Variants in CELF2 observed in about 807,000 individuals in gnomAD.
CELF2 encodes the protein CUGBP Elav-like family member 2.
Under a neutral mutation model 62.6 loss-of-function variants are expected in CELF2, and 8 were observed. That is an observed-to-expected ratio of 0.13 (90% CI 0.07 to 0.23). The LOEUF (loss-of-function observed/expected upper bound fraction) is 0.23. CELF2 is among the 10% of genes least tolerant of loss of function. The pLI, the probability that CELF2 is intolerant of heterozygous loss-of-function variation, is 1.00. For synonymous variants in CELF2, 258 were observed against 250.0 expected (o/e 1.03, Z -0.30); for missense variants, 333 against 671.0 (o/e 0.50, Z 5.56).
the CELF2 span, among the ~76,000 whole-genome samples, chr10:10,619,296 CTT>C: frequency 6.6e-6 from 1 of 152,166 alleles, no homozygotes; most frequent in African/African-American, 2.4e-5. Context: ...TAGATAATTT[CTT>C]TTTAGCTCCT....
the CELF2 span, among the ~76,000 whole-genome samples, chr10:10,515,351 A>G: frequency 2.6e-5 from 4 of 152,140 alleles, no homozygotes; most frequent in African/African-American, 9.7e-5. Context: ...CAAATCCACC[A>G]TTGGAGTCAT....
At chr10:11,048,726 T>C (rs142439599) in intron 1 of CELF2, among the ~76,000 whole-genome samples, 9 of 152,360 alleles carry the variant, frequency 5.9e-5, no homozygotes, top group Non-Finnish European at 1.0e-4. Flanking sequence ...CTGGATACAT[T>C]ACAGAGCACT....
the CELF2 span, among the ~76,000 whole-genome samples, chr10:10,630,412 C>A: frequency 6.6e-6 from 1 of 152,182 alleles, no homozygotes; most frequent in Admixed American, 6.5e-5. Context: ...ATAATCCTTA[C>A]ACCCACCATC....
chr10:10,907,732 G>A, intron 1 of CELF2, among the ~76,000 whole-genome samples: 1 of 151,992 alleles, frequency 6.6e-6, no homozygotes, highest in East Asian at 1.9e-4. Flanking sequence ...TTCATCTGGG[G>A]TTGGTTCAAA....
chr10:10,619,061 G>A, the CELF2 span, among the ~76,000 whole-genome samples: 5 of 152,226 alleles, frequency 3.3e-5, no homozygotes, highest in African/African-American at 4.8e-5. Flanking sequence ...TGGCAACAAA[G>A]AAGGAGGAAG....
At chr10:10,580,236 A>G in the CELF2 span, among the ~76,000 whole-genome samples, 1 of 152,158 alleles carries the variant, frequency 6.6e-6, no homozygotes, top group Non-Finnish European at 1.5e-5. Flanking sequence ...CTTCTAAAGT[A>G]CAACCTTTAG....
intron 1 of CELF2, among the ~76,000 whole-genome samples, chr10:11,069,149 G>C (rs2068996697): frequency 6.6e-6 from 1 of 152,132 alleles, no homozygotes; most frequent in Non-Finnish European, 1.5e-5. Context: ...CTTACTGCAT[G>C]ACCCACAGTT....
the CELF2 span, among the ~76,000 whole-genome samples, chr10:10,752,520 C>G: frequency 6.6e-6 from 1 of 151,738 alleles, no homozygotes; most frequent in Non-Finnish European, 1.5e-5. Context: ...GAAACCCCTT[C>G]TCTACTAAAA....
chr10:10,816,634 C>T (rs932950032), intron 1 of CELF2, among the ~76,000 whole-genome samples: 1 of 152,202 alleles, frequency 6.6e-6, no homozygotes, highest in African/African-American at 2.4e-5. Flanking sequence ...GAAAACAAGT[C>T]ATATCTTAAA....
chr10:10,590,920 C>G, the CELF2 span, among the ~76,000 whole-genome samples: 1 of 152,212 alleles, frequency 6.6e-6, no homozygotes, highest in South Asian at 2.1e-4. Context: ...TGTTAAGTTG[C>G]TATGGTAGAT....
intron 1 of CELF2, among the ~76,000 whole-genome samples, chr10:10,907,581 A>T (rs1330694347): frequency 6.6e-6 from 1 of 152,208 alleles, no homozygotes; most frequent in Non-Finnish European, 1.5e-5. Flanking sequence ...GTATCATTTT[A>T]TGAATATTCT....
rs550612777 is a variant in CELF2 at position 11,156,404 on chromosome 10, G to A, written c.75-9082G>A. ...AGGATGTGCTGAGACCATCCTCACC[G>A]TCCAGACGAGGCCTTCCCTGACCAC... On this transcript the variant is annotated intron_variant, in intron 1 of 12. Coordinates refer to ENST00000633077, the MANE Select transcript of CELF2 (RefSeq NM_001326342.2). The surrounding 1 kb of genome is among the most constrained non-coding windows in gnomAD (Gnocchi z 4.3). Among the ~76,000 whole-genome samples, 6 of 152,210 alleles carry A rather than the reference G, an allele frequency of 3.9e-5. No individual in the cohort carries two copies. The East Asian group carries it at 7.7e-4, about 20-fold the overall frequency.
At chr10:10,561,245 C>G in the CELF2 span, among the ~76,000 whole-genome samples, 1 of 152,132 alleles carries the variant, frequency 6.6e-6, no homozygotes, top group African/African-American at 2.4e-5. Flanking sequence ...AGACCCATGA[C>G]TATTTGCCCT....
the CELF2 span, among the ~76,000 whole-genome samples, chr10:10,618,826 G>A: frequency 6.6e-6 from 1 of 152,068 alleles, no homozygotes; most frequent in Non-Finnish European, 1.5e-5. Flanking sequence ...AGAGAGAGAG[G>A]GGGTTCCAAA....
chr10:10,765,598 A>G, the CELF2 span, among the ~76,000 whole-genome samples: 1 of 152,200 alleles, frequency 6.6e-6, no homozygotes, highest in African/African-American at 2.4e-5. Flanking sequence ...TGCCCCCTTC[A>G]AAGTGGTGGC....
chr10:10,926,052 T>C (rs180793947), intron 2 of CELF2, among the ~76,000 whole-genome samples: 1 of 152,262 alleles, frequency 6.6e-6, no homozygotes, highest in East Asian at 1.9e-4. Flanking sequence ...TTTTCTCAGG[T>C]TGAATCCATT....
At chr10:10,582,614 G>C in the CELF2 span, among the ~76,000 whole-genome samples, 1 of 152,030 alleles carries the variant, frequency 6.6e-6, no homozygotes, top group African/African-American at 2.4e-5. Context: ...CCTCAGTCCT[G>C]CATATTCTTT....
rs532808974 is a variant in CELF2 at position 11,043,602 on chromosome 10, C to T, written c.74+25439C>T. The stretch of plus-strand genomic sequence containing the variant: ...TCCTCATCCCCCGTCCTTCCTTTCT[C>T]CATCTCACTAAATGGTTAGCCAGCT... On this transcript the variant is annotated intron_variant, in intron 1 of 12. Transcript: ENST00000633077. Among the ~76,000 whole-genome samples, 5 of 152,282 alleles carry T rather than the reference C, an allele frequency of 3.3e-5. No homozygotes were observed. The South Asian group carries it at 8.3e-4, about 25-fold the overall frequency.
chr10:11,230,545 C>T (rs1322724001), intron 3 of CELF2, among the ~76,000 whole-genome samples: 1 of 152,216 alleles, frequency 6.6e-6, no homozygotes, highest in Non-Finnish European at 1.5e-5. Flanking sequence ...TCCCTGTTTC[C>T]TTCCAGACAT....
Sources: allele counts gnomAD v4.1 joint callset (sites outside exome capture counted in the v4.1 genomes callset), GRCh38; gene constraint gnomAD v4.1.1; non-coding constraint Gnocchi (gnomAD v3.1); transcripts MANE v1.5; gene names NCBI Gene and HGNC (gene_info 2026-07-23, HGNC 2026-07-21).